ZFYVE26: variants seen among roughly 807,000 people sequenced by gnomAD.
The protein encoded by ZFYVE26 is zinc finger FYVE-type containing 26.
In ZFYVE26, 181 loss-of-function variants were observed where a neutral mutation model predicts 276.5. The observed-to-expected ratio is 0.65, with a 90% CI of 0.58 to 0.74. ZFYVE26 has a LOEUF of 0.74. Ranked by LOEUF, ZFYVE26 falls within the 30% of genes least tolerant of loss-of-function variation. The pLI, the probability that ZFYVE26 is intolerant of heterozygous loss-of-function variation, is 0.00. For missense variants in ZFYVE26, 2,821 were observed against 3,097.9 expected (o/e 0.91, Z 2.12); for synonymous variants, 1,129 against 1,203.1 (o/e 0.94, Z 1.27).
At chr14:67,800,266 G>C (rs1486739299) in intron 10 of ZFYVE26, among the ~76,000 whole-genome samples, 6 of 152,150 alleles carry the variant, frequency 3.9e-5, no homozygotes, top group Non-Finnish European at 7.4e-5. Flanking sequence ...GAGAAAAGGG[G>C]AAAACAATAG....
In ZFYVE26 at chr14:67,768,428, C is replaced by G. The variant is rs574904824; in HGVS notation, c.5653+89G>C. 1.3e-5 allele frequency: 18 copies of G among 1,427,666 alleles called. No homozygotes were observed. The South Asian group carries it at 1.8e-4, about 15-fold the overall frequency. 88.4% of individuals were successfully genotyped at this position (1,427,666 alleles called of 1,614,324 possible). On this transcript the variant is annotated intron_variant, in intron 30 of 41. Coordinates refer to ENST00000347230, the MANE Select transcript of ZFYVE26 (RefSeq NM_015346.4). ...AGTTGGATGGAGTGCATAAGTTGGA[C>G]AAGTATATCAGTCACAGCTGATATG... is the stretch of plus-strand genomic sequence containing the variant.
chr14:67,753,039 G>T (rs1250888673), intron 39 of ZFYVE26, among the ~76,000 whole-genome samples: 3 of 152,186 alleles, frequency 2.0e-5, no homozygotes, highest in Admixed American at 2.0e-4. Flanking sequence ...CAGGGTATCT[G>T]TGTGTGGTGA....
intron 13 of ZFYVE26, among the ~76,000 whole-genome samples, chr14:67,732,093 C>T (rs917934478): frequency 4.8e-5 from 7 of 147,192 alleles, no homozygotes; most frequent in African/African-American, 1.8e-4. Context: ...CTCCACTGCA[C>T]TCCAGCCTGG....
At chr14:67,788,089 G>GA (rs35779834) in intron 16 of ZFYVE26, among the ~76,000 whole-genome samples, 86,481 of 149,832 alleles carry the variant, frequency 0.58, 26,640 homozygotes, top group East Asian at 0.92. Flanking sequence ...ACCAGTCCTC[G>GA]AAAAAAAAAA....
At chr14:67,815,379 T>C (rs2040379940) in intron 2 of ZFYVE26, 1 of 276,058 alleles carries the variant, frequency 3.6e-6, no homozygotes, top group Admixed American at 4.6e-5. Flanking sequence ...GAGACTGCAA[T>C]TATTTCGAAA....
chr14:67,759,177 G>A (rs1373231051), intron 35 of ZFYVE26, among the ~76,000 whole-genome samples: 4 of 150,200 alleles, frequency 2.7e-5, no homozygotes, highest in African/African-American at 7.3e-5. Flanking sequence ...CCCAGGAGGC[G>A]GAGCTTCCAG....
chr14:67,763,671 C>A (rs1034583651), intron 32 of ZFYVE26, among the ~76,000 whole-genome samples: 3 of 152,108 alleles, frequency 2.0e-5, no homozygotes, highest in African/African-American at 7.2e-5. Context: ...ATATTACTGT[C>A]GTTAAGCAAT....
chr14:67,783,386 G>C lies in ZFYVE26; in HGVS notation c.3766C>G (p.Leu1256Val). The C allele has an allele frequency of 6.2e-7, 1 of 1,614,208 alleles. No individual in the cohort carries two copies. The highest frequency in any genetic ancestry group is 8.5e-7 in the Non-Finnish European group (1 of 1,180,032). ...TSSLLTRLGTLAQLHASHCLD... is the reference protein window; with the variant it reads ...TSSLLTRLGTVAQLHASHCLD... ...CAGTGAGAGGCGTGTAGCTGGGCCAGAGTACCCAGACGAGTCAGGAGGGAG... is the reference window on the plus strand; with the variant it reads ...CAGTGAGAGGCGTGTAGCTGGGCCACAGTACCCAGACGAGTCAGGAGGGAG... Residue 1256 changes from leucine to valine, a missense_variant, in exon 21 of 42, where the codon CTG (leucine) becomes GTG (valine). By Grantham distance (32) the Leu-to-Val change is conservative. Coordinates refer to ENST00000347230, the MANE Select transcript of ZFYVE26 (RefSeq NM_015346.4).
chr14:67,815,796 T>C lies in ZFYVE26; in HGVS notation c.168A>G (p.Ala56=), dbSNP rs778455420. The part of the protein sequence containing the change: ...IPKRVEDILQ[A]LVVCPNLLRC... Reference sequence around the variant, plus strand: ...TCAGCAGATTTGGACACACCACCAATGCCTGAAGTATGTCTTCTACCCTCT... The same window carrying C: ...TCAGCAGATTTGGACACACCACCAACGCCTGAAGTATGTCTTCTACCCTCT... The change falls in exon 2 of 42, where the codon GCA becomes GCG. Residue 56 remains alanine (A), a synonymous_variant. Coordinates refer to ENST00000347230, the MANE Select transcript of ZFYVE26 (RefSeq NM_015346.4). 14 of 1,613,584 alleles carry C rather than the reference T, an allele frequency of 8.7e-6. No homozygotes were observed. The East Asian group carries it at 1.6e-4, about 18-fold the overall frequency.
At chr14:67,798,648 G>C (rs771506439) in intron 10 of ZFYVE26, 26 bp from the exon 11 acceptor site, 7 of 1,613,114 alleles carry the variant, frequency 4.3e-6, no homozygotes, top group Non-Finnish European at 5.9e-6. Context: ...CAAGAGAAGA[G>C]GCCAGAGAAA....
At chr14:67,775,431 G>C (rs1310706330) in intron 26 of ZFYVE26, among the ~76,000 whole-genome samples, 1 of 152,190 alleles carries the variant, frequency 6.6e-6, no homozygotes, top group Non-Finnish European at 1.5e-5. Flanking sequence ...TAAGAAAAAA[G>C]AGCTGGCTGG....
At chr14:67,797,510 G>A (rs898706761) in intron 12 of ZFYVE26, 162 bp downstream of exon 12, 3 of 764,880 alleles carry the variant, frequency 3.9e-6, no homozygotes, top group Admixed American at 2.0e-5. Context: ...TTTCTGAAAG[G>A]ATACATAGGA....
intron 23 of ZFYVE26, among the ~76,000 whole-genome samples, chr14:67,779,940 C>T (rs918447127): frequency 6.6e-6 from 1 of 151,982 alleles, no homozygotes; most frequent in Non-Finnish European, 1.5e-5. Flanking sequence ...GGTGCGATCT[C>T]GGCTCACTGC....
In ZFYVE26 at chr14:67,785,050, G is replaced by T. The variant is rs1186825516; in HGVS notation, c.3523+9C>A. ...GCCATGAATCTATTGCCTCTTTCTTGCTACCTACCAGGCTCAGAGCTCAAA... is the reference window on the plus strand; with the variant it reads ...GCCATGAATCTATTGCCTCTTTCTTTCTACCTACCAGGCTCAGAGCTCAAA... On this transcript the variant is annotated intron_variant, in intron 19 of 41. Coordinates refer to ENST00000347230, the MANE Select transcript of ZFYVE26 (RefSeq NM_015346.4). The T allele has an allele frequency of 1.2e-6, 2 of 1,613,872 alleles. No individual in the cohort carries two copies. The highest frequency in any genetic ancestry group is 2.7e-5 in the African/African-American group (2 of 74,896).
At chr14:67,745,974 AAAG>A (rs2038481689), downstream of ZFYVE26, among the ~76,000 whole-genome samples, 1 of 144,534 alleles carries the variant, frequency 6.9e-6, no homozygotes, top group Middle Eastern at 3.3e-3. Context: ...AAAATTCACT[AAAG>A]AAGAAACCTT....
At chr14:67,775,177 T>A in intron 26 of ZFYVE26, 63 bp from the exon 27 acceptor site, 2 of 1,152,522 alleles carry the variant, frequency 1.7e-6, no homozygotes, top group South Asian at 1.4e-5. Context: ...TTCACCACCC[T>A]AGGCATTTAG....
rs773755777 is a variant in ZFYVE26 at position 67,782,816 on chromosome 14, T to C, written c.4336A>G (p.Ile1446Val). Residue 1446 changes from isoleucine (I) to valine (V), a missense_variant, in exon 21 of 42, where the codon ATA becomes GTA. Physicochemically the swap from Ile to Val is conservative, Grantham distance 29. Coordinates refer to ENST00000347230, the MANE Select transcript of ZFYVE26 (RefSeq NM_015346.4). The stretch of plus-strand genomic sequence containing the variant: ...GCACAGCTCAGGACTGCATCCTTTA[T>C]GCTGCTCAAATCGTCCACATCTCGC... ...YGRDVDDLSS[I>V]KDAVLSCAVA... is the part of the protein sequence containing the mutation. The C allele has an allele frequency of 1.6e-5, 26 of 1,614,126 alleles. No individual in the cohort carries two copies. The highest frequency in any genetic ancestry group is 4.0e-5 in the African/African-American group (3 of 74,948).
chr14:67,790,063 T>C (rs1250067740), intron 15 of ZFYVE26, among the ~76,000 whole-genome samples: 2 of 152,240 alleles, frequency 1.3e-5, no homozygotes, highest in African/African-American at 4.8e-5. Context: ...CCTAGGCCAG[T>C]AAGAGTTGTG....
chr14:67,792,913 CAAA>C (rs34041446), intron 14 of ZFYVE26, among the ~76,000 whole-genome samples: 7 of 56,812 alleles, frequency 1.2e-4, no homozygotes, highest in Admixed American at 7.6e-4. Flanking sequence ...AAATCTGTCT[CAAA>C]AAAAAAAAAA....
Sources: allele counts gnomAD v4.1 joint callset (sites outside exome capture counted in the v4.1 genomes callset), GRCh38; gene constraint gnomAD v4.1.1; transcripts MANE v1.5; gene names NCBI Gene and HGNC (gene_info 2026-07-23, HGNC 2026-07-21).